Variants in CRAMP1 observed in about 807,000 individuals in gnomAD.
CRAMP1 encodes protein cramped-like.
In CRAMP1, 50 loss-of-function variants were observed where a neutral mutation model predicts 115.4. That is an observed-to-expected ratio of 0.43 (90% confidence interval 0.35 to 0.55). The LOEUF (loss-of-function observed/expected upper bound fraction) is 0.55, where lower values mean the gene tolerates loss of function less well. Ranked by LOEUF, CRAMP1 falls within the 20% of genes least tolerant of loss-of-function variation. The pLI, the probability that CRAMP1 is intolerant of heterozygous loss-of-function variation, is 0.01. For synonymous variants in CRAMP1, 866 were observed against 745.4 expected (o/e 1.16, Z -2.64); for missense variants, 1,679 against 1,721.7 (o/e 0.98, Z 0.44).
intron 4 of CRAMP1, among the ~76,000 whole-genome samples, chr16:1,635,105 C>T (rs1378078703): frequency 6.6e-6 from 1 of 152,158 alleles, no homozygotes; most frequent in Non-Finnish European, 1.5e-5. Context: ...CACTATGTTG[C>T]CAAGCTGGTC....
At chr16:1,630,841 G>T (rs1260494249) in intron 3 of CRAMP1, among the ~76,000 whole-genome samples, 1 of 152,196 alleles carries the variant, frequency 6.6e-6, no homozygotes, top group African/African-American at 2.4e-5. Flanking sequence ...ATGATTCTAT[G>T]TTACGCATTT....
chr16:1,660,797 A>C (rs2036822170), intron 11 of CRAMP1, among the ~76,000 whole-genome samples: 1 of 152,240 alleles, frequency 6.6e-6, no homozygotes, highest in South Asian at 2.1e-4. Context: ...ACCTGAGGTC[A>C]GGAGTTCCAT....
chr16:1,642,945 C>T (rs930707575), intron 6 of CRAMP1, among the ~76,000 whole-genome samples: 12 of 152,164 alleles, frequency 7.9e-5, no homozygotes, highest in African/African-American at 9.7e-5. Flanking sequence ...GCGCCATCCG[C>T]GGGAGAACTT....
At chr16:1,623,287 C>T (rs757783970) in intron 2 of CRAMP1, among the ~76,000 whole-genome samples, 3 of 152,250 alleles carry the variant, frequency 2.0e-5, no homozygotes, top group African/African-American at 7.2e-5. Flanking sequence ...TGCCGCTTCA[C>T]CAGCCTCATC....
intron 3 of CRAMP1, among the ~76,000 whole-genome samples, chr16:1,627,070 C>T (rs752211271): frequency 9.9e-5 from 15 of 152,026 alleles, no homozygotes; most frequent in African/African-American, 3.6e-4. Context: ...TGGTGAACAT[C>T]GGTGTGCACG....
At chr16:1,615,058 C>T (rs1192741685) in intron 2 of CRAMP1, 73 bp downstream of exon 2, 1 of 956,708 alleles carries the variant, frequency 1.0e-6, no homozygotes, top group Non-Finnish European at 1.4e-6. Flanking sequence ...GAACCCCTCG[C>T]CCCAGCCGGG....
intron 6 of CRAMP1, among the ~76,000 whole-genome samples, chr16:1,642,174 A>G (rs1490418309): frequency 6.6e-6 from 1 of 152,090 alleles, no homozygotes; most frequent in African/African-American, 2.4e-5. Context: ...CCACTCCTGA[A>G]CAGTCCTTAC....
In CRAMP1 at chr16:1,669,045, A is replaced by T; in HGVS notation, c.3379A>T (p.Ser1127Cys). 1 of 1,613,134 alleles carries T rather than the reference A, an allele frequency of 6.2e-7. No homozygotes were observed. The highest frequency in any genetic ancestry group is 8.5e-7 in the Non-Finnish European group (1 of 1,179,544). ...TCCAGCAAAACTGAATGGCAGTGACAGTTCCAAGAGCCTTCCCTCCCCGTC... is the reference window on the plus strand; with the variant it reads ...TCCAGCAAAACTGAATGGCAGTGACTGTTCCAAGAGCCTTCCCTCCCCGTC... Reference protein sequence around the residue: ...LSPAKLNGSDSSKSLPSPSSS... With the variant: ...LSPAKLNGSDCSKSLPSPSSS... The change falls in exon 19 of 21, where the codon AGT becomes TGT. Residue 1127 changes from serine (S) to cysteine (C), a missense_variant. By Grantham distance (112) the Ser-to-Cys change is moderately radical. Coordinates refer to ENST00000397412, the MANE Select transcript of CRAMP1 (RefSeq NM_020825.4). The surrounding 1 kb of genome is among the most constrained non-coding windows in gnomAD (Gnocchi z 4.6).
chr16:1,641,235 G>A, intron 6 of CRAMP1, 48 bp downstream of exon 6: 1 of 1,365,746 alleles, frequency 7.3e-7, no homozygotes, highest in Non-Finnish European at 1.0e-6. Context: ...GGTGTTTTGT[G>A]TTTATTCTCT....
chr16:1,634,216 T>C (rs1483531632), intron 4 of CRAMP1, among the ~76,000 whole-genome samples: 1 of 152,138 alleles, frequency 6.6e-6, no homozygotes, highest in Non-Finnish European at 1.5e-5. Flanking sequence ...GCTTGAACCA[T>C]CTGCGGGCAG....
At position 1,674,942 on chromosome 16, in the gene CRAMP1, C is replaced by T. The variant is rs974786341; in HGVS notation, c.*897C>T. ...AGCGAAGACTTTCCTGATAAGTTCTCAAACTCGATGTGTGACTGTTTGGCA... is the reference window on the plus strand; with the variant it reads ...AGCGAAGACTTTCCTGATAAGTTCTTAAACTCGATGTGTGACTGTTTGGCA... On this transcript the variant is annotated 3_prime_UTR_variant, in exon 21 of 21. Coordinates refer to ENST00000397412, the MANE Select transcript of CRAMP1 (RefSeq NM_020825.4). 1 of 152,228 alleles carries T rather than the reference C, an allele frequency of 6.6e-6. No individual in the cohort carries two copies. The highest frequency in any genetic ancestry group is 6.5e-5 in the Admixed American group (1 of 15,282). The allele number at this position is 152,228 out of a possible 1,614,324, so 9.4% of individuals were successfully genotyped here. A position where few individuals can be genotyped will look rare whatever the true frequency, so the allele number is the denominator to read the frequency against.
At chr16:1,623,265 C>T (rs2036480825) in intron 2 of CRAMP1, among the ~76,000 whole-genome samples, 1 of 152,250 alleles carries the variant, frequency 6.6e-6, no homozygotes, top group Admixed American at 6.5e-5. Flanking sequence ...GCCTGCTCCT[C>T]TGAGGAGTGA....
chr16:1,649,325 T>C (rs1372738573), intron 6 of CRAMP1, among the ~76,000 whole-genome samples: 1 of 152,098 alleles, frequency 6.6e-6, no homozygotes, highest in Non-Finnish European at 1.5e-5. Context: ...GATGGATGGA[T>C]GGACACATGA....
At chr16:1,632,111 G>GTCTCCTT in intron 3 of CRAMP1, 101 bp from the exon 4 acceptor site, 1 of 1,281,754 alleles carries the variant, frequency 7.8e-7, no homozygotes, top group South Asian at 1.5e-5. Flanking sequence ...ACTACAGCCT[G>GTCTCCTT]TCTCCTTTCT....
chr16:1,652,545 A>G lies in CRAMP1; in HGVS notation c.877A>G (p.Met293Val), dbSNP rs1382260179. The G allele has an allele frequency of 1.3e-6, 2 of 1,553,088 alleles. No individual in the cohort carries two copies. Among genetic ancestry groups the G allele is most frequent in the East Asian group, 2.4e-5 (1 of 41,036 alleles). Residue 293 changes from methionine to valine, a missense_variant, in exon 7 of 21, where the codon ATG (methionine) becomes GTG (valine). Physicochemically the swap from Met to Val is conservative, Grantham distance 21 (BLOSUM62 1). Transcript: ENST00000397412. ...KGRNLRIKAP[M>V]CRALKKLCDP... is the part of the protein sequence containing the mutation. Reference sequence around the variant, plus strand: ...GCGGAACCTGCGGATCAAAGCGCCCATGTGCCGGGCCCTGAAGAAGCTGTG... The same window carrying G: ...GCGGAACCTGCGGATCAAAGCGCCCGTGTGCCGGGCCCTGAAGAAGCTGTG...
intron 4 of CRAMP1, among the ~76,000 whole-genome samples, chr16:1,635,090 G>C (rs1028246165): frequency 3.3e-5 from 5 of 152,148 alleles, no homozygotes; most frequent in Non-Finnish European, 1.5e-5. Context: ...GGAGAGATGA[G>C]GTTTCACTAT....
rs988263302 is a variant in CRAMP1, at chr16:1,657,865, C to T, written c.2235+873C>T. 3.9e-5 allele frequency among the ~76,000 whole-genome samples: 6 copies of T among 152,122 alleles called. No individual in the cohort carries two copies. In the South Asian group the frequency reaches 8.3e-4, roughly 21 times the overall value. ...GGGCTGGCGAGCTGCTGGACATGGG[C>T]GAGGGGCTCAAAGGATGGACTGGGC... On this transcript the variant is annotated intron_variant, in intron 10 of 20. Coordinates refer to ENST00000397412, the MANE Select transcript of CRAMP1 (RefSeq NM_020825.4).
At chr16:1,647,727 C>T (rs951421451) in intron 6 of CRAMP1, among the ~76,000 whole-genome samples, 14 of 126,202 alleles carry the variant, frequency 1.1e-4, no homozygotes, top group African/African-American at 3.7e-4. Flanking sequence ...CCAGCCTGGG[C>T]GACAGAGTGA....
chr16:1,641,547 C>A (rs1435107589), intron 6 of CRAMP1, among the ~76,000 whole-genome samples: 1 of 152,176 alleles, frequency 6.6e-6, no homozygotes, highest in Non-Finnish European at 1.5e-5. Flanking sequence ...CTCTCCTTTC[C>A]ATTGCATTTT....
Sources: allele counts gnomAD v4.1 joint callset (sites outside exome capture counted in the v4.1 genomes callset), GRCh38; gene constraint gnomAD v4.1.1; non-coding constraint Gnocchi (gnomAD v3.1); transcripts MANE v1.5; gene names NCBI Gene and HGNC (gene_info 2026-07-23, HGNC 2026-07-21).